Variants in SGMS2 observed in about 807,000 individuals in gnomAD.
The protein encoded by SGMS2 is phosphatidylcholine:ceramide cholinephosphotransferase 2.
SGMS2 carries 21 observed loss-of-function variants against 43.8 expected under a neutral mutation model. The observed-to-expected ratio is 0.48, with a 90% confidence interval of 0.34 to 0.69. The LOEUF is 0.69. Ranked by LOEUF, SGMS2 falls within the 30% of genes least tolerant of loss-of-function variation. The probability of loss-of-function intolerance (pLI) is 0.01; values close to 1 mark genes in which losing one functional copy is unlikely to be tolerated. For missense variants in SGMS2, 384 were observed against 443.2 expected (o/e 0.87, Z 1.20); for synonymous variants, 167 against 160.6 (o/e 1.04, Z -0.30).
chr4:107,910,505 G>A lies in SGMS2; in HGVS notation c.1050G>A (p.Lys350=), dbSNP rs550805400. The A allele has an allele frequency of 3.0e-4, 489 of 1,614,016 alleles. 4 individuals are homozygous for A. The South Asian group carries it at 5.1e-3, about 17-fold the overall frequency. The change falls in exon 7 of 7, where the codon AAG becomes AAA. Residue 350 remains lysine, a synonymous_variant. Coordinates refer to ENST00000690982, the MANE Select transcript of SGMS2 (RefSeq NM_001375905.1). ...PPGCFKSSCK[K]YSRVQKIGED... ...GCTGCTTCAAATCATCATGCAAAAAGTATTCACGGGTTCAGAAGATTGGTG... is the reference window on the plus strand; with the variant it reads ...GCTGCTTCAAATCATCATGCAAAAAATATTCACGGGTTCAGAAGATTGGTG...
intron 2 of SGMS2, among the ~76,000 whole-genome samples, chr4:107,875,595 A>G (rs1341881949): frequency 6.6e-6 from 1 of 152,130 alleles, no homozygotes; most frequent in Non-Finnish European, 1.5e-5. Flanking sequence ...AATAATCTGT[A>G]CAGCAAACCC....
chr4:107,841,095 TAAG>T (rs1726470967), intron 1 of SGMS2, among the ~76,000 whole-genome samples: 1 of 152,048 alleles, frequency 6.6e-6, no homozygotes, highest in South Asian at 2.1e-4. Context: ...GCTGGGAAAA[TAAG>T]AAGAGAGACC....
At chr4:107,849,631 T>A (rs992895479) in intron 1 of SGMS2, among the ~76,000 whole-genome samples, 1 of 152,032 alleles carries the variant, frequency 6.6e-6, no homozygotes, top group Admixed American at 6.6e-5. Flanking sequence ...TCCACAGAAT[T>A]AAAGTGACTT....
chr4:107,912,734 C>T lies in SGMS2; in HGVS notation c.*2181C>T, dbSNP rs920602366. ...CACCAATTACTACAGATCCTTGAAACAGTAAGCCTTGGATTTTAGTCAAGT... is the reference window on the plus strand; with the variant it reads ...CACCAATTACTACAGATCCTTGAAATAGTAAGCCTTGGATTTTAGTCAAGT... On this transcript the variant is annotated 3_prime_UTR_variant, in exon 7 of 7. Coordinates refer to ENST00000690982, the MANE Select transcript of SGMS2 (RefSeq NM_001375905.1). 6.6e-6 allele frequency: 1 copy of T among 151,986 alleles called. No homozygotes were observed. Among genetic ancestry groups the T allele is most frequent in the East Asian group, 1.9e-4 (1 of 5,192 alleles). 9.4% of individuals were successfully genotyped at this position (151,986 alleles called of 1,614,324 possible). A position where few individuals can be genotyped will look rare whatever the true frequency, so the allele number is the denominator to read the frequency against.
In SGMS2 at chr4:107,910,633, G is replaced by T; in HGVS notation, c.*80G>T. The T allele has an allele frequency of 7.3e-7, 1 of 1,363,070 alleles. No individual in the cohort carries two copies. The highest frequency in any genetic ancestry group is 1.0e-6 in the Non-Finnish European group (1 of 1,000,664). 84.4% of individuals were successfully genotyped at this position (1,363,070 alleles called of 1,614,324 possible). ...AGGTATAGTTTTGTTTTTTATTTTA[G>T]GAGAACTGACTGGTAAATGAAGAAA... On this transcript the variant is annotated 3_prime_UTR_variant, in exon 7 of 7. Transcript: ENST00000690982.
In SGMS2 at chr4:107,899,627, C is replaced by G; in HGVS notation, c.508C>G (p.Arg170Gly). 1 of 1,613,130 alleles carries G rather than the reference C, an allele frequency of 6.2e-7. No homozygotes were observed. The highest frequency in any genetic ancestry group is 8.5e-7 in the Non-Finnish European group (1 of 1,179,568). ...TATTATTGGAACTTTATACCTGTAT[C>G]GCTGCATTACAATGTATGTTACTAC... Reference protein sequence around the residue: ...CFIIGTLYLYRCITMYVTTLP... With the variant: ...CFIIGTLYLYGCITMYVTTLP... Residue 170 changes from arginine to glycine, a missense_variant, in exon 4 of 7, where the codon CGC (arginine) becomes GGC (glycine). Coordinates refer to ENST00000690982, the MANE Select transcript of SGMS2 (RefSeq NM_001375905.1).
At chr4:107,899,549 T>C (rs1400242794) in intron 3 of SGMS2, 26 bp from the exon 4 acceptor site, 2 of 1,550,916 alleles carry the variant, frequency 1.3e-6, no homozygotes, top group Admixed American at 1.8e-5. Context: ...AAACTTGTTT[T>C]TCCCCATCCC....
intron 1 of SGMS2, among the ~76,000 whole-genome samples, chr4:107,832,732 G>C (rs1412717953): frequency 2.0e-5 from 3 of 152,178 alleles, no homozygotes; most frequent in Non-Finnish European, 4.4e-5. Flanking sequence ...TATTGCTATT[G>C]AAAGACATTG....
rs1437203926 is a variant in SGMS2, at chr4:107,895,497, T to C, written c.-57T>C. 1 of 1,523,574 alleles carries C rather than the reference T, an allele frequency of 6.6e-7. No individual in the cohort carries two copies. Among genetic ancestry groups the C allele is most frequent in the African/African-American group, 1.4e-5 (1 of 71,560 alleles). The allele number at this position is 1,523,574 out of a possible 1,614,324, so 94.4% of individuals were successfully genotyped here. ...AATAGAAGGATTGAAAAAAGCTAAA[T>C]TTCCACAAAGAACAAGAACTTGACC... On this transcript the variant is annotated 5_prime_UTR_variant, in exon 3 of 7. Coordinates refer to ENST00000690982, the MANE Select transcript of SGMS2 (RefSeq NM_001375905.1).
At chr4:107,910,200 A>C in intron 6 of SGMS2, 150 bp from the exon 7 acceptor site, 3 of 674,486 alleles carry the variant, frequency 4.4e-6, no homozygotes, top group Admixed American at 2.8e-5. Flanking sequence ...GAGTCATGGT[A>C]GAGTTAGGGA....
chr4:107,906,392 CT>C (rs1239212972), intron 5 of SGMS2, among the ~76,000 whole-genome samples: 2 of 152,124 alleles, frequency 1.3e-5, no homozygotes, highest in Non-Finnish European at 2.9e-5. Flanking sequence ...TAAAATTAGC[CT>C]GGAGAAATCA....
At chr4:107,844,847 A>G (rs1489023371) in intron 1 of SGMS2, among the ~76,000 whole-genome samples, 1 of 152,206 alleles carries the variant, frequency 6.6e-6, no homozygotes. Flanking sequence ...AGGTATAGTC[A>G]AATACAGATT....
rs1053720015 is a variant in SGMS2 at position 107,914,369 on chromosome 4, C to G, written c.*3816C>G. 6.6e-6 allele frequency: 1 copy of G among 151,970 alleles called. No individual in the cohort carries two copies. The highest frequency in any genetic ancestry group is 2.1e-4 in the South Asian group (1 of 4,818). 9.4% of individuals were successfully genotyped at this position (151,970 alleles called of 1,614,324 possible). On this transcript the variant is annotated 3_prime_UTR_variant, in exon 7 of 7. Coordinates refer to ENST00000690982, the MANE Select transcript of SGMS2 (RefSeq NM_001375905.1). ...TGTCCTTTAAAAGAAAAAGAGGAAA[C>G]GATGAACAAAAACTAATCTAATTGC...
intron 2 of SGMS2, among the ~76,000 whole-genome samples, chr4:107,880,439 G>T (rs1220222116): frequency 1.3e-5 from 2 of 152,060 alleles, no homozygotes; most frequent in South Asian, 2.1e-4. Context: ...AACAAATTTT[G>T]TGGGTGCTTC....
chr4:107,892,122 A>C (rs1381819547), intron 2 of SGMS2, among the ~76,000 whole-genome samples: 2 of 151,762 alleles, frequency 1.3e-5, no homozygotes, highest in African/African-American at 2.4e-5. Context: ...AAAAAAAAAA[A>C]AAACCTCATC....
intron 2 of SGMS2, among the ~76,000 whole-genome samples, chr4:107,887,093 G>A (rs10009531): frequency 0.71 from 107,876 of 152,092 alleles, 39,052 homozygotes; most frequent in African/African-American, 0.84. Flanking sequence ...TTAGACTTCT[G>A]TTAGTTTAGT....
At chr4:107,900,281 T>C (rs1198558236) in intron 4 of SGMS2, among the ~76,000 whole-genome samples, 2 of 152,100 alleles carry the variant, frequency 1.3e-5, no homozygotes, top group African/African-American at 4.8e-5. Context: ...GGCTAAAACA[T>C]TGCTTATTCA....
intron 1 of SGMS2, among the ~76,000 whole-genome samples, chr4:107,833,368 A>G (rs143297958): frequency 2.0e-5 from 3 of 152,314 alleles, no homozygotes; most frequent in Non-Finnish European, 2.9e-5. Flanking sequence ...TGGCTCCCCA[A>G]AGATGTTCAC....
intron 1 of SGMS2, among the ~76,000 whole-genome samples, chr4:107,827,709 G>T (rs1200902275): frequency 6.6e-6 from 1 of 152,164 alleles, no homozygotes; most frequent in Non-Finnish European, 1.5e-5. Context: ...TGTGTGGCTG[G>T]GTGCAGTGGC....
Sources: allele counts gnomAD v4.1 joint callset (sites outside exome capture counted in the v4.1 genomes callset), GRCh38; gene constraint gnomAD v4.1.1; transcripts MANE v1.5; gene names NCBI Gene and HGNC (gene_info 2026-07-23, HGNC 2026-07-21).